The following IPO8 variants were observed in gnomAD, a reference collection of about 807,000 sequenced individuals.
The protein encoded by IPO8 is importin 8.
A neutral mutation model predicts 141.2 loss-of-function variants in IPO8; 65 were observed. That is an observed-to-expected ratio of 0.46 (90% confidence interval 0.38 to 0.57). The LOEUF is 0.57. Among genes scored for constraint, IPO8 ranks in the 20% least tolerant of loss-of-function variants. The probability of loss-of-function intolerance (pLI) is 0.00; values close to 1 mark genes in which losing one functional copy is unlikely to be tolerated. For missense variants in IPO8, 980 were observed against 1,246.8 expected, an observed-to-expected ratio of 0.79 and a Z score of 3.22; for synonymous variants, 411 against 420.3, an observed-to-expected ratio of 0.98 and a Z score of 0.27.
At chr12:30,661,561 A>G (rs530741810) in intron 15 of IPO8, among the ~76,000 whole-genome samples, 17 of 152,132 alleles carry the variant, frequency 1.1e-4, no homozygotes, top group Non-Finnish European at 1.8e-4. Flanking sequence ...AGTAAAAAGA[A>G]AAATGCAATA....
chr12:30,680,579 C>A lies in IPO8; in HGVS notation c.542G>T (p.Arg181Leu). 1.9e-6 allele frequency: 3 copies of A among 1,612,338 alleles called. No individual in the cohort carries two copies. The highest frequency in any genetic ancestry group is 2.5e-6 in the Non-Finnish European group (3 of 1,178,888). ...GAGCTGAACAATTTGTTGCTGAATA[C>A]GAGGCAGGAATATCTGCATTGCTAT... ...LIIAMQIFLP[R>L]IQQQIVQLLP... The change falls in exon 5 of 25, where the codon CGT becomes CTT. Residue 181 changes from arginine to leucine, a missense_variant. Transcript: ENST00000256079.
intron 20 of IPO8, among the ~76,000 whole-genome samples, chr12:30,648,117 C>T (rs902958182): frequency 6.6e-6 from 1 of 152,162 alleles, no homozygotes; most frequent in African/African-American, 2.4e-5. Context: ...CACACAAAAA[C>T]TTGTACACAA....
intron 19 of IPO8, among the ~76,000 whole-genome samples, chr12:30,650,466 T>A (rs922691291): frequency 6.6e-5 from 10 of 152,056 alleles, no homozygotes; most frequent in African/African-American, 2.4e-4. Context: ...TTACATAAAT[T>A]TAAAATGCTA....
chr12:30,639,442 C>T, intron 21 of IPO8, 73 bp downstream of exon 21: 1 of 894,082 alleles, frequency 1.1e-6, no homozygotes, highest in South Asian at 1.4e-5. Context: ...TTTGTACATG[C>T]TATTATACAC....
chr12:30,672,108 A>C (rs1341882569), intron 8 of IPO8, among the ~76,000 whole-genome samples: 1 of 152,224 alleles, frequency 6.6e-6, no homozygotes, highest in Non-Finnish European at 1.5e-5. Context: ...AGCACCTCTG[A>C]ACTGGCTCAA....
chr12:30,647,342 T>G (rs1309958886), intron 20 of IPO8, among the ~76,000 whole-genome samples: 1 of 151,936 alleles, frequency 6.6e-6, no homozygotes, highest in African/African-American at 2.4e-5. Context: ...AGAAAAAAAC[T>G]ATAAAACTCT....
At position 30,695,487 on chromosome 12, in the gene IPO8, G is replaced by T; in HGVS notation, c.84+77C>A. ...CCCGGTGGGGGTGAGGACGAGGGGCGCCGGGGAGAGGGAGCCCGGCCAGCC... is the reference window on the plus strand; with the variant it reads ...CCCGGTGGGGGTGAGGACGAGGGGCTCCGGGGAGAGGGAGCCCGGCCAGCC... On this transcript the variant is annotated intron_variant, in intron 1 of 24. Transcript: ENST00000256079. The surrounding 1 kb of genome is among the most constrained non-coding windows in gnomAD (Gnocchi z 4.2). 6 of 1,311,474 alleles carry T rather than the reference G, an allele frequency of 4.6e-6. No homozygotes were observed. Among genetic ancestry groups the T allele is most frequent in the Non-Finnish European group, 6.6e-6 (6 of 914,452 alleles). 81.2% of individuals were successfully genotyped at this position (1,311,474 alleles called of 1,614,324 possible). A position where few individuals can be genotyped will look rare whatever the true frequency, so the allele number is the denominator to read the frequency against.
Position 30,630,570 on chromosome 12 carries a change from C to A in IPO8, c.*290G>T. On this transcript the variant is annotated 3_prime_UTR_variant, in exon 25 of 25. Transcript: ENST00000256079. ...CCTGAGACGTGCAAGTCTATCCAAT[C>A]CTCTAAAACAACCTTGGGCATTCAG... 2.8e-6 allele frequency: 1 copy of A among 358,276 alleles called. No homozygotes were observed. Among genetic ancestry groups the A allele is most frequent in the Non-Finnish European group, 5.0e-6 (1 of 200,822 alleles). 22.2% of individuals were successfully genotyped at this position (358,276 alleles called of 1,614,324 possible).
At chr12:30,674,799 G>A in intron 6 of IPO8, 46 bp from the exon 7 acceptor site, 1 of 1,208,358 alleles carries the variant, frequency 8.3e-7, no homozygotes. Context: ...ATAATAAAAG[G>A]ATTTATGTGA....
chr12:30,693,117 C>T (rs961124926), intron 1 of IPO8, among the ~76,000 whole-genome samples: 5 of 152,066 alleles, frequency 3.3e-5, no homozygotes, highest in Non-Finnish European at 7.4e-5. Context: ...ATTTCCCTAC[C>T]GAGGCCATGT....
At chr12:30,659,878 C>A (rs1591832355) in intron 16 of IPO8, among the ~76,000 whole-genome samples, 1 of 142,776 alleles carries the variant, frequency 7.0e-6, no homozygotes, top group Non-Finnish European at 1.5e-5. Flanking sequence ...AAAAAACCCA[C>A]AAAATCAAAA....
chr12:30,639,008 CA>C (rs1260736045), intron 21 of IPO8, among the ~76,000 whole-genome samples: 1 of 152,138 alleles, frequency 6.6e-6, no homozygotes, highest in East Asian at 1.9e-4. Context: ...AAGAGTGCTT[CA>C]CATAAAACCA....
At chr12:30,650,318 G>T (rs2052708220) in intron 19 of IPO8, among the ~76,000 whole-genome samples, 1 of 151,850 alleles carries the variant, frequency 6.6e-6, no homozygotes, top group Non-Finnish European at 1.5e-5. Flanking sequence ...CTATCAAAAT[G>T]ACAACAGAGA....
intron 17 of IPO8, 63 bp downstream of exon 17, chr12:30,656,621 T>C (rs1240651613): frequency 6.5e-6 from 6 of 917,254 alleles, no homozygotes; most frequent in South Asian, 1.7e-5. Flanking sequence ...GCTAAAATTA[T>C]ACTTTGAGTT....
intron 8 of IPO8, 94 bp from the exon 9 acceptor site, chr12:30,671,190 A>AT: frequency 1.4e-6 from 1 of 739,674 alleles, no homozygotes; most frequent in South Asian, 1.9e-5. Context: ...TTCAGAATCC[A>AT]TAGAAAAATA....
chr12:30,632,248 G>A (rs1441635739), intron 23 of IPO8, among the ~76,000 whole-genome samples: 1 of 152,126 alleles, frequency 6.6e-6, no homozygotes, highest in Non-Finnish European at 1.5e-5. Context: ...CAAATCTCTA[G>A]TCTGCCTAGT....
rs555494372 is a variant in IPO8, at chr12:30,646,990, G to A, written c.2268+2147C>T. On this transcript the variant is annotated intron_variant, in intron 20 of 24. Coordinates refer to ENST00000256079, the MANE Select transcript of IPO8 (RefSeq NM_006390.4). ...CCTAAAACTCGTATGAAAATTTAAC[G>A]GACCCTGTCTAGCCAAAACAATCTC... Among the ~76,000 whole-genome samples the A allele has an allele frequency of 9.1e-4, 138 of 152,196 alleles. 1 individual carries two copies. The highest frequency in any genetic ancestry group is 1.6e-3 in the Admixed American group (24 of 15,276).
At chr12:30,680,000 G>A (rs1380909307) in intron 5 of IPO8, among the ~76,000 whole-genome samples, 1 of 150,188 alleles carries the variant, frequency 6.7e-6, no homozygotes, top group Non-Finnish European at 1.5e-5. Flanking sequence ...TTTTTTTTTA[G>A]GCAGTATTTT....
At chr12:30,641,201 GCTA>G (rs1490196881) in intron 20 of IPO8, among the ~76,000 whole-genome samples, 6 of 152,314 alleles carry the variant, frequency 3.9e-5, no homozygotes, top group East Asian at 1.9e-4. Context: ...ATCTCCACAT[GCTA>G]CTATCAGGTG....
Sources: gnomAD v4.1 joint callset for allele counts (sites outside exome capture counted in the v4.1 genomes callset) on GRCh38, gnomAD v4.1.1 for gene constraint, Gnocchi (gnomAD v3.1) non-coding constraint, MANE v1.5 for transcripts, NCBI Gene and HGNC (gene_info 2026-07-23, HGNC 2026-07-21) for gene names.